The following N4BP2L2 variants were observed in gnomAD, a reference collection of about 807,000 sequenced individuals.
N4BP2L2 encodes NEDD4-binding protein 2-like 2.
Under a neutral mutation model 56.2 loss-of-function variants are expected in N4BP2L2, and 50 were observed. The ratio of observed to expected loss-of-function variants is 0.89; its 90% CI spans 0.71 to 1.13. The LOEUF (loss-of-function observed/expected upper bound fraction) is 1.13. Ranked by LOEUF, N4BP2L2 falls within the 50% of genes most tolerant of loss-of-function variation. N4BP2L2 has a pLI of 0.00. For missense variants in N4BP2L2, 689 were observed against 693.8 expected (o/e 0.99, Z 0.08); for synonymous variants, 203 against 223.6 (o/e 0.91, Z 0.82).
chr13:32,470,453 G>T (rs1220424667), intron 6 of N4BP2L2, among the ~76,000 whole-genome samples: 1 of 152,178 alleles, frequency 6.6e-6, no homozygotes. Flanking sequence ...ATGGGTAGTT[G>T]ACCAGGGGTG....
At chr13:32,526,571 C>A (rs1049829297) in intron 3 of N4BP2L2, among the ~76,000 whole-genome samples, 3 of 152,102 alleles carry the variant, frequency 2.0e-5, no homozygotes, top group African/African-American at 7.2e-5. Context: ...CTATGAGGTT[C>A]ATTACAGTCT....
rs1168142131 is a variant in N4BP2L2 at position 32,444,800 on chromosome 13, TAG to T, written c.366-676_366-675del. On this transcript the variant is annotated intron_variant, in intron 6 of 9. Coordinates refer to the N4BP2L2 transcript ENST00000357505. Reference sequence around the variant, plus strand: ...CAATTTCATCACTGTGTTAACATCATAGAGTGTACTTACACAAATCTACATGA... The same window carrying T: ...CAATTTCATCACTGTGTTAACATCATAGTGTACTTACACAAATCTACATGA... 7.9e-5 allele frequency among the ~76,000 whole-genome samples: 12 copies of T among 152,358 alleles called. No homozygotes were observed. The East Asian group carries it at 1.7e-3, about 22-fold the overall frequency.
At chr13:32,471,653 C>G (rs1471511370) in intron 6 of N4BP2L2, among the ~76,000 whole-genome samples, 1 of 152,250 alleles carries the variant, frequency 6.6e-6, no homozygotes, top group African/African-American at 2.4e-5. Context: ...CCAGGGAATG[C>G]AGCTGTGTGT....
chr13:32,532,593 T>TC (rs2055186636), intron 2 of N4BP2L2, among the ~76,000 whole-genome samples: 2 of 146,740 alleles, frequency 1.4e-5, no homozygotes, highest in Non-Finnish European at 1.5e-5. Context: ...CTTTTTTCTT[T>TC]TTTTTTTTTT....
At chr13:32,479,111 GACA>G (rs1222801696) in intron 6 of N4BP2L2, among the ~76,000 whole-genome samples, 1 of 150,988 alleles carries the variant, frequency 6.6e-6, no homozygotes, top group Non-Finnish European at 1.5e-5. Context: ...CTTCAGCCTG[GACA>G]ACAAGAGCAA....
At chr13:32,529,731 CT>C (rs1267636694) in intron 2 of N4BP2L2, among the ~76,000 whole-genome samples, 194 of 126,396 alleles carry the variant, frequency 1.5e-3, no homozygotes, top group Non-Finnish European at 1.7e-3. Flanking sequence ...CTTTTCTTTT[CT>C]TTTTTTTTTT....
exon 2 of N4BP2L2, chr13:32,536,043 T>A (rs1462821784): frequency 6.2e-7 from 1 of 1,614,066 alleles, no homozygotes; most frequent in South Asian, 1.1e-5. Flanking sequence ...TCAAAAGTCA[T>A]GCAATTCCAG....
At chr13:32,509,269 C>T (rs1343247121), downstream of N4BP2L2, 2 of 152,140 alleles carry the variant, frequency 1.3e-5, no homozygotes, top group Admixed American at 6.5e-5. Flanking sequence ...AAAATGTTCA[C>T]CGGAGCACTT....
At chr13:32,441,894 A>C (rs2076426287) in intron 7 of N4BP2L2, among the ~76,000 whole-genome samples, 1 of 142,902 alleles carries the variant, frequency 7.0e-6, no homozygotes, top group Non-Finnish European at 1.5e-5. Flanking sequence ...ATACAAAATA[A>C]ATAAATAAAT....
chr13:32,447,137 T>A (rs1415645251), intron 6 of N4BP2L2, among the ~76,000 whole-genome samples: 1 of 152,166 alleles, frequency 6.6e-6, no homozygotes. Context: ...AAGGGTTGAG[T>A]CCTTTTCATG....
intron 1 of N4BP2L2, among the ~76,000 whole-genome samples, chr13:32,538,083 C>G (rs1021347874): frequency 2.3e-3 from 228 of 97,436 alleles, no homozygotes; most frequent in South Asian, 3.7e-3. Flanking sequence ...GGGGGGGGGG[C>G]GGTTACTTCC....
chr13:32,463,984 A>C (rs76605575), intron 6 of N4BP2L2, among the ~76,000 whole-genome samples: 8,402 of 150,862 alleles, frequency 0.056, 822 homozygotes, highest in African/African-American at 0.19. Context: ...ACTGCATAGT[A>C]ACTCAAATCC....
intron 2 of N4BP2L2, among the ~76,000 whole-genome samples, chr13:32,530,005 C>T (rs1051394595): frequency 4.6e-5 from 7 of 152,090 alleles, no homozygotes; most frequent in African/African-American, 1.7e-4. Flanking sequence ...GGATTACAGG[C>T]GTGAGCCACC....
chr13:32,435,595 C>G (rs1015602415), intron 9 of N4BP2L2, among the ~76,000 whole-genome samples: 2 of 152,180 alleles, frequency 1.3e-5, no homozygotes, highest in African/African-American at 4.8e-5. Flanking sequence ...CTCATTGTCT[C>G]TCATCTCCTC....
At chr13:32,462,352 T>TA (rs1165234915) in intron 6 of N4BP2L2, among the ~76,000 whole-genome samples, 2 of 152,146 alleles carry the variant, frequency 1.3e-5, no homozygotes, top group African/African-American at 2.4e-5. Flanking sequence ...GAAAGACAAG[T>TA]ATCACATGTT....
At chr13:32,440,272 G>A (rs1380159676) in intron 7 of N4BP2L2, among the ~76,000 whole-genome samples, 1 of 151,980 alleles carries the variant, frequency 6.6e-6, no homozygotes, top group Non-Finnish European at 1.5e-5. Context: ...AGACGAAATG[G>A]GTCCCCAAGG....
intron 6 of N4BP2L2, among the ~76,000 whole-genome samples, chr13:32,459,421 A>G (rs1336738848): frequency 6.6e-6 from 1 of 152,146 alleles, no homozygotes; most frequent in African/African-American, 2.4e-5. Flanking sequence ...CCAAATAAAC[A>G]AAATCAGAAA....
chr13:32,438,870 G>A (rs2075833516), intron 7 of N4BP2L2: 9 of 622,006 alleles, frequency 1.4e-5, no homozygotes, highest in Non-Finnish European at 2.0e-5. Flanking sequence ...TTTCGGTGAT[G>A]TCTAAAGCTG....
intron 6 of N4BP2L2, among the ~76,000 whole-genome samples, chr13:32,467,416 C>T (rs1407774279): frequency 6.6e-6 from 1 of 151,832 alleles, no homozygotes; most frequent in Non-Finnish European, 1.5e-5. Context: ...CACCACCATG[C>T]CCAGCTAATT....
Sources: allele counts gnomAD v4.1 joint callset (sites outside exome capture counted in the v4.1 genomes callset), GRCh38; gene constraint gnomAD v4.1.1; transcripts MANE v1.5; gene names NCBI Gene and HGNC (gene_info 2026-07-23, HGNC 2026-07-21).